The following PLB1 variants were observed in gnomAD, a reference collection of about 807,000 sequenced individuals.
PLB1 encodes phospholipase B1, membrane-associated.
In PLB1, 242 loss-of-function variants were observed where a neutral mutation model predicts 227.4. The ratio of observed to expected loss-of-function variants is 1.06; its 90% CI spans 0.96 to 1.18. The LOEUF is 1.18. Among genes scored for constraint, PLB1 ranks in the 50% most tolerant of loss-of-function variants. The probability of loss-of-function intolerance (pLI) is 0.00; values close to 1 mark genes in which losing one functional copy is unlikely to be tolerated. For missense variants in PLB1, 1,858 were observed against 1,816.3 expected, an observed-to-expected ratio of 1.02 and a Z score of -0.42; for synonymous variants, 757 against 682.2, an observed-to-expected ratio of 1.11 and a Z score of -1.71.
chr2:28,535,289 T>G (rs1671534949), intron 9 of PLB1, among the ~76,000 whole-genome samples: 1 of 152,264 alleles, frequency 6.6e-6, no homozygotes. Context: ...ATTCCCTCTT[T>G]ATTCTATTTC....
In PLB1 at chr2:28,510,151, C is replaced by T. The variant is rs75049917; in HGVS notation, c.56-6657C>T. ...TGGTCTATGCTGAAATTATAACTAA[C>T]AATTACTGAGTTCTTTCCATGAGTC... On this transcript the variant is annotated intron_variant, in intron 1 of 57. Coordinates refer to ENST00000327757, the MANE Select transcript of PLB1 (RefSeq NM_153021.5). Among the ~76,000 whole-genome samples the T allele has an allele frequency of 7.9e-5, 12 of 152,278 alleles. 1 individual carries two copies. Among genetic ancestry groups the T allele is most frequent in the East Asian group, 5.8e-4 (3 of 5,188 alleles).
chr2:28,521,469 G>A (rs569803447), intron 4 of PLB1, among the ~76,000 whole-genome samples: 1 of 152,296 alleles, frequency 6.6e-6, no homozygotes, highest in South Asian at 2.1e-4. Context: ...GTTGTGGTTG[G>A]TTGGTTTTTA....
In PLB1 at chr2:28,519,711, C is replaced by G. The variant is rs113200997; in HGVS notation, c.191C>G (p.Ser64Cys). 1.2e-6 allele frequency: 2 copies of G among 1,609,794 alleles called. No homozygotes were observed. Among genetic ancestry groups the G allele is most frequent in the African/African-American group, 2.7e-5 (2 of 74,908 alleles). The part of the protein sequence containing the change: ...GVNMPSKSVH[S>C]LKPSDIKFVA... ...TGGGTTCTTGTCTCCACAGTTCACT[C>G]TCTGAAGCCTTCTGATATTAAATTT... Residue 64 changes from serine to cysteine, a missense_variant, in exon 4 of 58, where the codon TCT becomes TGT. By Grantham distance (112) the Ser-to-Cys change is moderately radical (BLOSUM62 -1). Transcript: ENST00000327757.
At chr2:28,513,239 T>C (rs1051288008) in intron 1 of PLB1, among the ~76,000 whole-genome samples, 1 of 152,262 alleles carries the variant, frequency 6.6e-6, no homozygotes, top group African/African-American at 2.4e-5. Flanking sequence ...TTCATCCATA[T>C]AGGTTTTCCT....
Position 28,564,039 on chromosome 2 carries a change from A to G in PLB1, c.1206+940A>G, listed in dbSNP as rs796691842. ...AGGATCACTTGAGGCCAGGGGGTCA[A>G]GGTGAGCCTGGGCAATGTAGCAAGA... On this transcript the variant is annotated intron_variant, in intron 18 of 57. Coordinates refer to ENST00000327757, the MANE Select transcript of PLB1 (RefSeq NM_153021.5). Among the ~76,000 whole-genome samples, 9 of 152,134 alleles carry G rather than the reference A, an allele frequency of 5.9e-5. No homozygotes were observed. The South Asian group carries it at 1.5e-3, about 25-fold the overall frequency.
intron 43 of PLB1, among the ~76,000 whole-genome samples, chr2:28,613,274 C>T (rs1354145555): frequency 3.3e-5 from 5 of 152,224 alleles, no homozygotes; most frequent in African/African-American, 1.2e-4. Flanking sequence ...AGACCATGGG[C>T]TTACTACTCC....
intron 20 of PLB1, 46 bp downstream of exon 20, chr2:28,566,885 T>C: frequency 6.2e-7 from 1 of 1,608,210 alleles, no homozygotes; most frequent in Non-Finnish European, 8.5e-7. Context: ...GGGCGGCCCC[T>C]GCACGCTTCC....
At chr2:28,575,624 G>A (rs1670318646) in intron 21 of PLB1, among the ~76,000 whole-genome samples, 1 of 152,156 alleles carries the variant, frequency 6.6e-6, no homozygotes. Context: ...AGGCTGGAGT[G>A]CAGTGGCGCG....
intron 51 of PLB1, among the ~76,000 whole-genome samples, chr2:28,628,310 A>G (rs924986631): frequency 6.6e-6 from 1 of 152,148 alleles, no homozygotes; most frequent in Non-Finnish European, 1.5e-5. Flanking sequence ...GGCAGAGTCC[A>G]CTGTTGGGTC....
At chr2:28,639,347 AT>A (rs1208526134) in intron 56 of PLB1, among the ~76,000 whole-genome samples, 72 of 148,986 alleles carry the variant, frequency 4.8e-4, no homozygotes, top group Middle Eastern at 3.5e-3. Flanking sequence ...AAAAAAAAAA[AT>A]GATCTTTGGC....
At chr2:28,583,975 A>G (rs920300885) in intron 25 of PLB1, among the ~76,000 whole-genome samples, 1 of 152,138 alleles carries the variant, frequency 6.6e-6, no homozygotes, top group African/African-American at 2.4e-5. Context: ...TGAAGCATGA[A>G]CGTTTTCCGC....
chr2:28,510,745 G>A (rs1222663294), intron 1 of PLB1, among the ~76,000 whole-genome samples: 2 of 143,600 alleles, frequency 1.4e-5, no homozygotes, highest in East Asian at 2.0e-4. Flanking sequence ...TGAGTAGCTG[G>A]GACTATAGGC....
intron 21 of PLB1, 91 bp from the exon 22 acceptor site, chr2:28,578,016 C>G: frequency 7.6e-7 from 1 of 1,314,860 alleles, no homozygotes; most frequent in South Asian, 1.2e-5. Flanking sequence ...CCTGGGCCTT[C>G]CTCCACCATA....
chr2:28,597,995 C>G lies in PLB1; in HGVS notation c.2322-10C>G. ...TCCCTCTCATTCACTGGCTTGCTCA[C>G]TCCCTACAGTGCAGGAGGGGACGGC... On this transcript the variant is annotated splice_polypyrimidine_tract_variant and intron_variant, in intron 33 of 57. Transcript: ENST00000327757. 1.9e-6 allele frequency: 3 copies of G among 1,611,630 alleles called. No homozygotes were observed. Among genetic ancestry groups the G allele is most frequent in the Non-Finnish European group, 2.5e-6 (3 of 1,177,738 alleles).
intron 4 of PLB1, among the ~76,000 whole-genome samples, chr2:28,524,913 T>C (rs898710804): frequency 4.2e-5 from 6 of 143,942 alleles, no homozygotes; most frequent in African/African-American, 1.6e-4. Context: ...AGTGGCACCA[T>C]CTTGGCTTGC....
At chr2:28,537,658 C>CAAA (rs771254945) in intron 9 of PLB1, among the ~76,000 whole-genome samples, 14 of 56,204 alleles carry the variant, frequency 2.5e-4, no homozygotes, top group African/African-American at 7.7e-4. Flanking sequence ...GACTCCATCT[C>CAAA]AAAAAAAAAA....
intron 16 of PLB1, among the ~76,000 whole-genome samples, chr2:28,552,464 A>G (rs555613318): frequency 9.8e-5 from 15 of 152,372 alleles, no homozygotes; most frequent in Non-Finnish European, 1.3e-4. Context: ...ACTAACAAAT[A>G]CTTGTTGAGC....
chr2:28,507,780 TG>T lies in PLB1; in HGVS notation c.56-9026del, dbSNP rs1260026178. ...TTGGATATCTGTGGGCATCAGAGGA[TG>T]GAGACAGGAGGGTGCACTGGTCTCT... On this transcript the variant is annotated intron_variant, in intron 1 of 57. Coordinates refer to ENST00000327757, the MANE Select transcript of PLB1 (RefSeq NM_153021.5). Among the ~76,000 whole-genome samples the T allele has an allele frequency of 3.9e-5, 6 of 152,292 alleles. No individual in the cohort carries two copies. The South Asian group carries it at 1.2e-3, about 32-fold the overall frequency.
intron 43 of PLB1, among the ~76,000 whole-genome samples, chr2:28,610,725 G>A (rs1312927541): frequency 6.6e-6 from 1 of 152,124 alleles, no homozygotes; most frequent in Non-Finnish European, 1.5e-5. Context: ...AACTACACCT[G>A]GTAAAGCAGC....
Sources: gnomAD v4.1 joint callset for allele counts (sites outside exome capture counted in the v4.1 genomes callset) on GRCh38, gnomAD v4.1.1 for gene constraint, MANE v1.5 for transcripts, NCBI Gene and HGNC (gene_info 2026-07-23, HGNC 2026-07-21) for gene names.